The following ZNF566 variants were observed in gnomAD, a reference collection of about 807,000 sequenced individuals.
ZNF566 encodes the protein zinc finger protein 566.
Under a neutral mutation model 32.8 loss-of-function variants are expected in ZNF566, and 27 were observed. That is an observed-to-expected ratio of 0.82 (90% confidence interval 0.61 to 1.14). The LOEUF (loss-of-function observed/expected upper bound fraction) is 1.14. Ranked by LOEUF, ZNF566 falls within the 50% of genes most tolerant of loss-of-function variation. The pLI is 0.00. For synonymous variants in ZNF566, 154 were observed against 159.5 expected (o/e 0.97, Z 0.26); for missense variants, 402 against 490.4 (o/e 0.82, Z 1.70).
chr19:36,453,136 C>CA (rs1441964072), intron 4 of ZNF566, among the ~76,000 whole-genome samples: 4 of 144,796 alleles, frequency 2.8e-5, no homozygotes, highest in East Asian at 4.2e-4. Flanking sequence ...AACAAAAAAA[C>CA]AAAAAAACAA....
At position 36,449,858 on chromosome 19, in the gene ZNF566, G is replaced by T. The variant is rs2967532; in HGVS notation, c.376C>A (p.Arg126=). The T allele has an allele frequency of 0.57, 916,181 of 1,613,476 alleles. 263,797 individuals are homozygous for T. Among genetic ancestry groups the T allele is most frequent in the Middle Eastern group, 0.63 (3,810 of 6,062 alleles). ...SSFRDDWECN[R]QFKKELGSQG... The stretch of plus-strand genomic sequence containing the variant: ...GAGCCGAGTTCTTTCTTAAACTGCC[G>T]ATTACATTCCCAATCATCTCTGAAA... The change falls in exon 5 of 5, where the codon CGG becomes AGG. Residue 126 remains arginine (R), a synonymous_variant. Transcript: ENST00000452939.
rs1221849015 is a variant in ZNF566 at position 36,446,028 on chromosome 19, T to G, written c.*2949A>C. The G allele has an allele frequency of 6.6e-6, 1 of 152,176 alleles. No homozygotes were observed. The highest frequency in any genetic ancestry group is 1.5e-5 in the Non-Finnish European group (1 of 68,036). The allele number at this position is 152,176 out of a possible 1,614,324, so 9.4% of individuals were successfully genotyped here. A position where few individuals can be genotyped will look rare whatever the true frequency, so the allele number is the denominator to read the frequency against. ...ATACTGTAACCATCAGAAAGACTGT[T>G]AGATCATCATCTATTGAAGGAAAAT... On this transcript the variant is annotated 3_prime_UTR_variant, in exon 5 of 5. Coordinates refer to ENST00000452939, the MANE Select transcript of ZNF566 (RefSeq NM_001145344.1).
At chr19:36,471,213 CAA>C (rs66905791) in intron 4 of ZNF566, among the ~76,000 whole-genome samples, 1,604 of 107,422 alleles carry the variant, frequency 0.015, 21 homozygotes, top group African/African-American at 0.043. Context: ...GACTCTGTCT[CAA>C]AAAAAAAAAA....
At chr19:36,463,945 C>T (rs749575667) in intron 4 of ZNF566, among the ~76,000 whole-genome samples, 5 of 151,750 alleles carry the variant, frequency 3.3e-5, no homozygotes, top group Non-Finnish European at 5.9e-5. Context: ...AGGCTGGTCT[C>T]GAACTCCTGG....
At chr19:36,458,892 C>T (rs960815397) in intron 4 of ZNF566, among the ~76,000 whole-genome samples, 3 of 152,158 alleles carry the variant, frequency 2.0e-5, no homozygotes, top group African/African-American at 4.8e-5. Context: ...TCACTCTTGT[C>T]GCCCAGGCTG....
At chr19:36,489,434 A>C (rs1035274534) in intron 1 of ZNF566, 52 bp downstream of exon 1, 1 of 302,342 alleles carries the variant, frequency 3.3e-6, no homozygotes. Flanking sequence ...CACAAAGCCG[A>C]GGCTTGGCCC....
At chr19:36,476,697 A>C in intron 1 of ZNF566, 81 bp from the exon 2 acceptor site, 1 of 1,187,012 alleles carries the variant, frequency 8.4e-7, no homozygotes, top group Admixed American at 2.6e-5. Context: ...CCTTCTGTTC[A>C]TGCTTCAGAA....
chr19:36,482,286 T>C (rs2034054861), intron 1 of ZNF566, among the ~76,000 whole-genome samples: 1 of 152,170 alleles, frequency 6.6e-6, no homozygotes, highest in Non-Finnish European at 1.5e-5. Context: ...TTTGTATTTT[T>C]AGTAGAGACG....
At chr19:36,482,031 A>G (rs1433587808) in intron 1 of ZNF566, among the ~76,000 whole-genome samples, 2 of 152,218 alleles carry the variant, frequency 1.3e-5, no homozygotes, top group African/African-American at 4.8e-5. Flanking sequence ...CAAAAGAAAC[A>G]CAGCAAGGAT....
At position 36,449,523 on chromosome 19, in the gene ZNF566, A is replaced by G. The variant is rs2033088728; in HGVS notation, c.711T>C (p.Ile237=). The G allele has an allele frequency of 6.2e-7, 1 of 1,614,090 alleles. No individual in the cohort carries two copies. Among genetic ancestry groups the G allele is most frequent in the Admixed American group, 1.7e-5 (1 of 60,004 alleles). ...FECKECGKTF[I]CGSDLTRHHR... ...GATGTCGAGTAAGGTCTGAGCCACA[A>G]ATAAAGGTTTTTCCACATTCCTTAC... is the stretch of plus-strand genomic sequence containing the variant. Residue 237 remains isoleucine, a synonymous_variant, in exon 5 of 5, where the codon ATT becomes ATC. Coordinates refer to ENST00000452939, the MANE Select transcript of ZNF566 (RefSeq NM_001145344.1).
rs1555775217 is a variant in ZNF566 at position 36,481,491 on chromosome 19, A to AAG, written c.-59-4876_-59-4875insCT. The stretch of plus-strand genomic sequence containing the variant: ...GTCTCGGGAAAAAAAAAAAAAAAAA[A>AAG]AAAAGAAAAGAACACTGAGGTACTA... On this transcript the variant is annotated intron_variant, in intron 1 of 4. Coordinates refer to ENST00000452939, the MANE Select transcript of ZNF566 (RefSeq NM_001145344.1). 1.7e-3 allele frequency among the ~76,000 whole-genome samples: 236 copies of AAG among 135,044 alleles called. 1 individual carries two copies. Among genetic ancestry groups the AAG allele is most frequent in the Middle Eastern group, 7.5e-3 (2 of 268 alleles). 88.6% of individuals were successfully genotyped at this position (135,044 alleles called of 152,430 possible). A position where few individuals can be genotyped will look rare whatever the true frequency, so the allele number is the denominator to read the frequency against.
chr19:36,462,418 G>A (rs1381948401), intron 4 of ZNF566, among the ~76,000 whole-genome samples: 3 of 152,086 alleles, frequency 2.0e-5, no homozygotes, highest in Non-Finnish European at 2.9e-5. Context: ...TGGGGCTTTA[G>A]TTACCTCCCT....
chr19:36,475,962 A>G (rs1209890350), intron 2 of ZNF566: 1 of 152,196 alleles, frequency 6.6e-6, no homozygotes, highest in Non-Finnish European at 1.5e-5. Flanking sequence ...ACTTCTTCAG[A>G]GAAATTTGTT....
intron 4 of ZNF566, among the ~76,000 whole-genome samples, chr19:36,458,146 T>C (rs1196377052): frequency 6.6e-6 from 1 of 152,146 alleles, no homozygotes; most frequent in African/African-American, 2.4e-5. Flanking sequence ...AAAATCTGCA[T>C]TCTTATGTTC....
intron 4 of ZNF566, among the ~76,000 whole-genome samples, chr19:36,469,604 T>C (rs1035069232): frequency 1.1e-4 from 17 of 152,274 alleles, no homozygotes; most frequent in African/African-American, 3.6e-4. Context: ...GCATGTATTT[T>C]TGAAAATTTT....
At chr19:36,468,283 A>G (rs2033677787) in intron 4 of ZNF566, among the ~76,000 whole-genome samples, 1 of 151,784 alleles carries the variant, frequency 6.6e-6, no homozygotes, top group African/African-American at 2.4e-5. Context: ...GAAATTGTAA[A>G]CAAATACAAG....
chr19:36,474,143 CA>C (rs1298568935), intron 2 of ZNF566, among the ~76,000 whole-genome samples: 2 of 151,722 alleles, frequency 1.3e-5, no homozygotes, highest in Non-Finnish European at 2.9e-5. Context: ...AGGGAGTAAA[CA>C]AAAAAAGAAG....
In ZNF566 at chr19:36,446,794, C is replaced by T. The variant is rs1354142811; in HGVS notation, c.*2183G>A. On this transcript the variant is annotated 3_prime_UTR_variant, in exon 5 of 5. Transcript: ENST00000452939. ...AATTTATTATGAAATATTTTACTTCCTTATGCCAGTAAAGTAAAGTAACAC... is the reference window on the plus strand; with the variant it reads ...AATTTATTATGAAATATTTTACTTCTTTATGCCAGTAAAGTAAAGTAACAC... The T allele has an allele frequency of 1.3e-5, 2 of 152,122 alleles. No individual in the cohort carries two copies. Among genetic ancestry groups the T allele is most frequent in the Non-Finnish European group, 2.9e-5 (2 of 68,024 alleles). 9.4% of individuals were successfully genotyped at this position (152,122 alleles called of 1,614,324 possible). A position where few individuals can be genotyped will look rare whatever the true frequency, so the allele number is the denominator to read the frequency against.
intron 4 of ZNF566, among the ~76,000 whole-genome samples, chr19:36,472,259 T>C (rs1433497225): frequency 1.3e-5 from 2 of 152,098 alleles, no homozygotes; most frequent in African/African-American, 2.4e-5. Context: ...ACACCAAAAA[T>C]CTCCCCCTAT....
Sources: gnomAD v4.1 joint callset for allele counts (sites outside exome capture counted in the v4.1 genomes callset) on GRCh38, gnomAD v4.1.1 for gene constraint, MANE v1.5 for transcripts, NCBI Gene and HGNC (gene_info 2026-07-23, HGNC 2026-07-21) for gene names.